The following NLRP3 variants were observed in gnomAD, a reference collection of about 807,000 sequenced individuals.
NLRP3 encodes the protein NACHT, LRR and PYD domains-containing protein 3.
A neutral mutation model predicts 91.3 loss-of-function variants in NLRP3; 48 were observed. The ratio of observed to expected loss-of-function variants is 0.53; its 90% CI spans 0.42 to 0.67. NLRP3 has a LOEUF of 0.67. Ranked by LOEUF, NLRP3 falls within the 30% of genes least tolerant of loss-of-function variation. The probability of loss-of-function intolerance (pLI) is 0.00; values close to 1 mark genes in which losing one functional copy is unlikely to be tolerated. For synonymous variants in NLRP3, 561 were observed against 507.9 expected (o/e 1.10, Z -1.41); for missense variants, 982 against 1,276.9 (o/e 0.77, Z 3.52).
At position 247,419,305 on chromosome 1, in the gene NLRP3, A is replaced by G. The variant is rs547515728; in HGVS notation, c.277+228A>G. On this transcript the variant is annotated intron_variant, in intron 2 of 9. Coordinates refer to ENST00000336119, the MANE Select transcript of NLRP3 (RefSeq NM_001243133.2). ...AAGTAGCTGGGATTACAGGCATTGC[A>G]CCTCCACGCCCGGCTAATTTTGTAT... Among the ~76,000 whole-genome samples the G allele has an allele frequency of 3.7e-4, 56 of 151,660 alleles. 1 individual carries two copies. The highest frequency in any genetic ancestry group is 4.3e-4 in the Non-Finnish European group (29 of 67,882).
intron 2 of NLRP3, among the ~76,000 whole-genome samples, chr1:247,420,814 C>T (rs1231897445): frequency 1.3e-5 from 2 of 152,190 alleles, no homozygotes; most frequent in South Asian, 4.1e-4. Flanking sequence ...TTTGCTTTCT[C>T]TAACTCCTTT....
chr1:247,429,576 A>C lies in NLRP3; in HGVS notation c.2151-9A>C, dbSNP rs762817427. On this transcript the variant is annotated splice_polypyrimidine_tract_variant and intron_variant, in intron 4 of 9. Coordinates refer to ENST00000336119, the MANE Select transcript of NLRP3 (RefSeq NM_001243133.2). ...TTTCTTTTCTGTCTGTCTTCCTTCTAATTCCTAGATTGGTGAACAGCCACC... is the reference window on the plus strand; with the variant it reads ...TTTCTTTTCTGTCTGTCTTCCTTCTCATTCCTAGATTGGTGAACAGCCACC... 47 of 1,613,878 alleles carry C rather than the reference A, an allele frequency of 2.9e-5. No individual in the cohort carries two copies. Among genetic ancestry groups the C allele is most frequent in the Non-Finnish European group, 3.6e-5 (42 of 1,179,916 alleles).
rs750747890 is a variant in NLRP3 at position 247,424,613 on chromosome 1, C to A, written c.1164C>A (p.Ala388=). ...TCTTCAAGTACTTCTCTGATGAGGC[C>A]CAAGCCAGGGCAGCCTTCAGTCTGA... ...EYFFKYFSDE[A]QARAAFSLIQ... Residue 388 remains alanine, a synonymous_variant, in exon 4 of 10, where the codon GCC becomes GCA. Transcript: ENST00000336119. The surrounding 1 kb of genome is among the most constrained non-coding windows in gnomAD (Gnocchi z 8.1). The A allele has an allele frequency of 4.3e-6, 7 of 1,614,216 alleles. No homozygotes were observed. Among genetic ancestry groups the A allele is most frequent in the Non-Finnish European group, 5.1e-6 (6 of 1,180,036 alleles).
chr1:247,418,637 T>C lies in NLRP3; in HGVS notation c.-164T>C. On this transcript the variant is annotated 5_prime_UTR_variant, in exon 2 of 10. Transcript: ENST00000336119. The stretch of plus-strand genomic sequence containing the variant: ...TTTCAAAATTAAAGATTTTGACTTG[T>C]TACAGTCATGTGACATTTTTTTCTT... 2.3e-6 allele frequency: 2 copies of C among 887,244 alleles called. No homozygotes were observed. The highest frequency in any genetic ancestry group is 3.5e-6 in the Non-Finnish European group (2 of 567,138). 55.0% of individuals were successfully genotyped at this position (887,244 alleles called of 1,614,324 possible).
At chr1:247,446,765 T>A (rs539179766) in intron 9 of NLRP3, among the ~76,000 whole-genome samples, 1 of 152,376 alleles carries the variant, frequency 6.6e-6, no homozygotes, top group African/African-American at 2.4e-5. Context: ...TATCTATCTC[T>A]GCTCCCAAAA....
intron 5 of NLRP3, among the ~76,000 whole-genome samples, chr1:247,431,907 C>CA (rs1240210640): frequency 6.6e-6 from 1 of 151,240 alleles, no homozygotes; most frequent in African/African-American, 2.4e-5. Context: ...GTAACTACCC[C>CA]TTTTTTTTTG....
In NLRP3 at chr1:247,425,821, G is replaced by A. The variant is rs1016782020; in HGVS notation, c.2150+222G>A. 37 of 576,310 alleles carry A rather than the reference G, an allele frequency of 6.4e-5. No individual in the cohort carries two copies. Among genetic ancestry groups the A allele is most frequent in the Non-Finnish European group, 7.7e-5 (25 of 322,698 alleles). 35.7% of individuals were successfully genotyped at this position (576,310 alleles called of 1,614,324 possible). ...AAAAAAAATAAAACAAGGAACAAAT[G>A]TTTGGGGAATGCCAGTTTAGCACAA... On this transcript the variant is annotated intron_variant, in intron 4 of 9. Coordinates refer to ENST00000336119, the MANE Select transcript of NLRP3 (RefSeq NM_001243133.2). The surrounding 1 kb of genome is among the most constrained non-coding windows in gnomAD (Gnocchi z 4.1).
At chr1:247,436,585 T>C (rs1391659993) in intron 7 of NLRP3, among the ~76,000 whole-genome samples, 1 of 152,192 alleles carries the variant, frequency 6.6e-6, no homozygotes, top group Non-Finnish European at 1.5e-5. Context: ...CTCAACAGTG[T>C]CATGGCTCAG....
intron 2 of NLRP3, 87 bp downstream of exon 2, chr1:247,419,164 A>ATATATATTTTTTTT (rs1491303088): frequency 1.5e-6 from 1 of 658,706 alleles, no homozygotes; most frequent in African/African-American, 3.6e-5. Context: ...ATATATATAT[A>ATATATATTTTTTTT]TTTTTTTTTG....
Position 247,425,684 on chromosome 1 carries a change from C to T in NLRP3, c.2150+85C>T, listed in dbSNP as rs1662824386. 10 of 1,272,600 alleles carry T rather than the reference C, an allele frequency of 7.9e-6. No homozygotes were observed. Among genetic ancestry groups the T allele is most frequent in the Middle Eastern group, 2.6e-4 (1 of 3,850 alleles). The allele number at this position is 1,272,600 out of a possible 1,614,324, so 78.8% of individuals were successfully genotyped here. A position where few individuals can be genotyped will look rare whatever the true frequency, so the allele number is the denominator to read the frequency against. ...CTTGCCTCCTCTCATCTCTTTTCAA[C>T]TATCTTCCAAATACTGTTGCCACAG... On this transcript the variant is annotated intron_variant, in intron 4 of 9. Coordinates refer to ENST00000336119, the MANE Select transcript of NLRP3 (RefSeq NM_001243133.2). The surrounding 1 kb of genome is among the most constrained non-coding windows in gnomAD (Gnocchi z 4.1).
At chr1:247,419,532 T>A (rs2103087381) in intron 2 of NLRP3, among the ~76,000 whole-genome samples, 1 of 152,314 alleles carries the variant, frequency 6.6e-6, no homozygotes, top group East Asian at 1.9e-4. Flanking sequence ...ACTGTTTTCA[T>A]CTTGCAAAAC....
At chr1:247,437,114 T>G (rs896722618) in intron 7 of NLRP3, among the ~76,000 whole-genome samples, 2 of 152,242 alleles carry the variant, frequency 1.3e-5, no homozygotes, top group Non-Finnish European at 2.9e-5. Flanking sequence ...ATGTTGCTAA[T>G]GGGCTCTCTA....
At chr1:247,431,360 T>A (rs1368125122) in intron 5 of NLRP3, among the ~76,000 whole-genome samples, 1 of 152,144 alleles carries the variant, frequency 6.6e-6, no homozygotes, top group African/African-American at 2.4e-5. Flanking sequence ...CAGCAAGTGT[T>A]AAAGTCCGCC....
In NLRP3 at chr1:247,425,649, C is replaced by T. The variant is rs867416434; in HGVS notation, c.2150+50C>T. ...CTTCCTCCTGCTTCCTCGCCAGCTTCTTCTTGGCGCTTGCCTCCTCTCATC... is the reference window on the plus strand; with the variant it reads ...CTTCCTCCTGCTTCCTCGCCAGCTTTTTCTTGGCGCTTGCCTCCTCTCATC... On this transcript the variant is annotated intron_variant, in intron 4 of 9. Coordinates refer to ENST00000336119, the MANE Select transcript of NLRP3 (RefSeq NM_001243133.2). This position sits in a 1 kb window ranked among gnomAD's most constrained non-coding sequence, Gnocchi z 4.1. 6.5e-7 allele frequency: 1 copy of T among 1,543,170 alleles called. No individual in the cohort carries two copies. Among genetic ancestry groups the T allele is most frequent in the Middle Eastern group, 2.2e-4 (1 of 4,584 alleles).
At position 247,423,865 on chromosome 1, in the gene NLRP3, G is replaced by A; in HGVS notation, c.416G>A (p.Arg139Lys). 6.2e-7 allele frequency: 1 copy of A among 1,614,022 alleles called. No individual in the cohort carries two copies. The highest frequency in any genetic ancestry group is 8.5e-7 in the Non-Finnish European group (1 of 1,180,016). Residue 139 changes from arginine (R) to lysine (K), a missense_variant, in exon 4 of 10, where the codon AGA becomes AAA. Arg to Lys is a conservative substitution (Grantham distance 26). Around this residue, in one of 5 missense-constraint regions of NLRP3, gnomAD observed 548 missense variants for 713.7 expected, o/e 0.77. Coordinates refer to ENST00000336119, the MANE Select transcript of NLRP3 (RefSeq NM_001243133.2). ...KMKKDYRKKY[R>K]KYVRSRFQCI... ...GCCGTAGATTACCGTAAGAAGTACA[G>A]AAAGTACGTGAGAAGCAGATTCCAG...
At chr1:247,438,325 C>G (rs982027509) in intron 7 of NLRP3, among the ~76,000 whole-genome samples, 3 of 150,906 alleles carry the variant, frequency 2.0e-5, no homozygotes, top group Non-Finnish European at 4.4e-5. Flanking sequence ...TCCCTGGATC[C>G]TGCATTGGCT....
At chr1:247,437,432 T>C (rs1663872567) in intron 7 of NLRP3, among the ~76,000 whole-genome samples, 1 of 152,220 alleles carries the variant, frequency 6.6e-6, no homozygotes, top group Non-Finnish European at 1.5e-5. Context: ...CTTGGACCTC[T>C]CCCATCAGCC....
chr1:247,433,303 T>A (rs1572196223), intron 5 of NLRP3, among the ~76,000 whole-genome samples: 1 of 151,866 alleles, frequency 6.6e-6, no homozygotes, highest in Non-Finnish European at 1.5e-5. Flanking sequence ...CACAATGGGG[T>A]GACAATGTTG....
intron 9 of NLRP3, among the ~76,000 whole-genome samples, chr1:247,445,362 G>A (rs959284098): frequency 1.2e-4 from 18 of 151,950 alleles, no homozygotes; most frequent in South Asian, 2.1e-4. Context: ...CACCACACCC[G>A]GCTAATTTTT....
Sources: gnomAD v4.1 joint callset for allele counts (sites outside exome capture counted in the v4.1 genomes callset) on GRCh38, gnomAD v4.1.1 for gene constraint, gnomAD v4.1.1 regional missense constraint, Gnocchi (gnomAD v3.1) non-coding constraint, MANE v1.5 for transcripts, NCBI Gene and HGNC (gene_info 2026-07-23, HGNC 2026-07-21) for gene names.